GALNTL6: variants seen among roughly 807,000 people sequenced by gnomAD.
The protein encoded by GALNTL6 is polypeptide N-acetylgalactosaminyltransferase like 6.
In GALNTL6, 46 loss-of-function variants were observed where a neutral mutation model predicts 73.7. The observed-to-expected ratio is 0.62, with a 90% CI of 0.49 to 0.80. The LOEUF (loss-of-function observed/expected upper bound fraction) is 0.80. Ranked by LOEUF, GALNTL6 falls within the 30% of genes least tolerant of loss-of-function variation. The pLI, the probability that GALNTL6 is intolerant of heterozygous loss-of-function variation, is 0.00. For synonymous variants in GALNTL6, 259 were observed against 263.7 expected (o/e 0.98, Z 0.17); for missense variants, 604 against 755.0 (o/e 0.80, Z 2.34).
At chr4:171,815,360 GAAACACCCATACT>G (rs1293093006) in intron 2 of GALNTL6, 3 of 152,530 alleles carry the variant, frequency 2.0e-5, no homozygotes, top group Non-Finnish European at 4.4e-5. Context: ...TGTCATATTG[GAAACACCCATACT>G]AAAGATATGT....
chr4:171,869,236 G>A (rs1297582508), intron 2 of GALNTL6, among the ~76,000 whole-genome samples: 1 of 152,074 alleles, frequency 6.6e-6, no homozygotes, highest in Non-Finnish European at 1.5e-5. Flanking sequence ...AACGTGTATA[G>A]AAAGAAAGAG....
chr4:172,202,422 T>G (rs1735983226), intron 2 of GALNTL6, among the ~76,000 whole-genome samples: 1 of 152,242 alleles, frequency 6.6e-6, no homozygotes, highest in Non-Finnish European at 1.5e-5. Flanking sequence ...TTATTATTCC[T>G]TAAGTTTTTG....
At chr4:172,819,003 T>TA (rs1433159896) in intron 7 of GALNTL6, among the ~76,000 whole-genome samples, 1 of 152,230 alleles carries the variant, frequency 6.6e-6, no homozygotes, top group African/African-American at 2.4e-5. Context: ...CAAATGTCCC[T>TA]AGGCATGGAT....
chr4:171,978,821 C>A (rs925092117), intron 2 of GALNTL6, among the ~76,000 whole-genome samples: 3 of 151,178 alleles, frequency 2.0e-5, no homozygotes, highest in Non-Finnish European at 4.4e-5. Context: ...AAATGGAGAG[C>A]TTCTTGGCTT....
At chr4:172,381,149 T>C (rs1743269390) in intron 5 of GALNTL6, among the ~76,000 whole-genome samples, 1 of 152,212 alleles carries the variant, frequency 6.6e-6, no homozygotes, top group Non-Finnish European at 1.5e-5. Flanking sequence ...CTTTTTATTA[T>C]TTGTTATTTT....
intron 2 of GALNTL6, among the ~76,000 whole-genome samples, chr4:171,904,465 G>C (rs1362571453): frequency 6.6e-5 from 10 of 152,114 alleles, no homozygotes; most frequent in Non-Finnish European, 1.5e-4. Context: ...AAAGAAACGA[G>C]TAAAGCCTCC....
At chr4:172,250,566 T>A (rs1243650378) in intron 3 of GALNTL6, among the ~76,000 whole-genome samples, 24 of 152,076 alleles carry the variant, frequency 1.6e-4, no homozygotes, top group Non-Finnish European at 2.9e-5. Flanking sequence ...CCCCATAAGA[T>A]CTGATGGTTT....
At chr4:171,903,649 A>C (rs1737180259) in intron 2 of GALNTL6, among the ~76,000 whole-genome samples, 1 of 146,652 alleles carries the variant, frequency 6.8e-6, no homozygotes, top group Admixed American at 6.6e-5. Context: ...ACCACAGCTC[A>C]AGGAGGCCTG....
intron 5 of GALNTL6, among the ~76,000 whole-genome samples, chr4:172,763,746 G>T (rs1738247022): frequency 6.6e-6 from 1 of 152,142 alleles, no homozygotes; most frequent in Non-Finnish European, 1.5e-5. Context: ...TAAACAAGCG[G>T]CTTAGATTTT....
At chr4:172,687,204 G>A (rs972190419) in intron 5 of GALNTL6, among the ~76,000 whole-genome samples, 1 of 151,856 alleles carries the variant, frequency 6.6e-6, no homozygotes, top group Non-Finnish European at 1.5e-5. Context: ...TTTTGCTTTT[G>A]GTCTATAATA....
intron 5 of GALNTL6, among the ~76,000 whole-genome samples, chr4:172,460,571 C>T (rs1732574700): frequency 6.6e-6 from 1 of 152,198 alleles, no homozygotes; most frequent in African/African-American, 2.4e-5. Flanking sequence ...TGAACAGACA[C>T]TTCTCAAAAG....
intron 2 of GALNTL6, among the ~76,000 whole-genome samples, chr4:171,916,325 C>T (rs10032268): frequency 0.5 from 75,367 of 151,858 alleles, 19,328 homozygotes; most frequent in East Asian, 0.64. Context: ...TAGAAGCTGC[C>T]ATATTTTTTG....
At chr4:172,162,634 CA>C (rs1198857154) in intron 2 of GALNTL6, among the ~76,000 whole-genome samples, 2 of 151,902 alleles carry the variant, frequency 1.3e-5, no homozygotes, top group Admixed American at 1.3e-4. Context: ...GATCACAAGG[CA>C]GAAAGATTAA....
At chr4:172,581,979 C>T (rs921100300) in intron 5 of GALNTL6, among the ~76,000 whole-genome samples, 5 of 152,102 alleles carry the variant, frequency 3.3e-5, no homozygotes, top group African/African-American at 1.2e-4. Context: ...GCGTTTTGTT[C>T]TTGGATGTCT....
chr4:171,894,490 T>TA (rs1736852644), intron 2 of GALNTL6, among the ~76,000 whole-genome samples: 1 of 152,166 alleles, frequency 6.6e-6, no homozygotes, highest in South Asian at 2.1e-4. Flanking sequence ...ACAATATAAT[T>TA]AAAATGAAAG....
chr4:172,593,996 T>A (rs932133052), intron 5 of GALNTL6, among the ~76,000 whole-genome samples: 1 of 152,180 alleles, frequency 6.6e-6, no homozygotes, highest in Non-Finnish European at 1.5e-5. Context: ...CCAAACAGTA[T>A]ATTATGGAAC....
chr4:172,175,844 CT>C (rs781515063), intron 2 of GALNTL6, among the ~76,000 whole-genome samples: 7 of 152,100 alleles, frequency 4.6e-5, no homozygotes, highest in Non-Finnish European at 1.0e-4. Context: ...GCTTGTCTCA[CT>C]TTCTTTCCCT....
At chr4:172,155,997 G>A (rs552118423) in intron 2 of GALNTL6, among the ~76,000 whole-genome samples, 46 of 152,202 alleles carry the variant, frequency 3.0e-4, no homozygotes, top group African/African-American at 1.1e-3. Context: ...CAAGGCTCTT[G>A]TATCGGTTGG....
chr4:172,049,267 C>T (rs1730751514), intron 2 of GALNTL6, among the ~76,000 whole-genome samples: 1 of 152,000 alleles, frequency 6.6e-6, no homozygotes, highest in Admixed American at 6.6e-5. Flanking sequence ...AAGAAGTAAA[C>T]TTCAGTTAAC....
Sources: gnomAD v4.1 joint callset for allele counts (sites outside exome capture counted in the v4.1 genomes callset) on GRCh38, gnomAD v4.1.1 for gene constraint, MANE v1.5 for transcripts, NCBI Gene and HGNC (gene_info 2026-07-23, HGNC 2026-07-21) for gene names.